Variants in USP26 observed in about 807,000 individuals in gnomAD.
USP26 encodes ubiquitin carboxyl-terminal hydrolase 26.
For missense variants in USP26, 649 were observed against 642.3 expected, an observed-to-expected ratio of 1.01 and a Z score of -0.11; for synonymous variants, 236 against 240.6, an observed-to-expected ratio of 0.98 and a Z score of 0.18.
intron 5 of USP26, among the ~76,000 whole-genome samples, chrX:133,069,760 A>T (rs1287696537): frequency 1.8e-5 from 2 of 111,817 alleles, no homozygotes; most frequent in Non-Finnish European, 3.8e-5. Flanking sequence ...AAACTGCCTC[A>T]CACACACGTT....
At chrX:133,043,655 C>A (rs1024535440) in intron 5 of USP26, among the ~76,000 whole-genome samples, 21 of 112,289 alleles carry the variant, frequency 1.9e-4, no homozygotes, top group Non-Finnish European at 3.8e-4. Flanking sequence ...CCTGTAATCT[C>A]AACACTTTGG....
intron 5 of USP26, among the ~76,000 whole-genome samples, chrX:133,059,680 C>A (rs191587956): frequency 4.5e-5 from 5 of 110,234 alleles, no homozygotes; most frequent in Non-Finnish European, 7.6e-5. Context: ...TTCTCTCCCC[C>A]TAAAGTTCTT....
chrX:133,073,168 G>A (rs1429267251), intron 5 of USP26, among the ~76,000 whole-genome samples: 2 of 109,885 alleles, frequency 1.8e-5, no homozygotes, highest in Non-Finnish European at 3.8e-5. Context: ...CATTCACAGA[G>A]TTAACATTGG....
Position 133,038,438 on chromosome X carries a change from A to T in USP26, c.-76-10142T>A, listed in dbSNP as rs151224857. ...TTGAGATAATCATGTGGTTTTTGTCATTGGTTCTGTTTATGTGATGGATTA... is the reference window on the plus strand; with the variant it reads ...TTGAGATAATCATGTGGTTTTTGTCTTTGGTTCTGTTTATGTGATGGATTA... On this transcript the variant is annotated intron_variant, in intron 5 of 5. Coordinates refer to ENST00000511190, the MANE Select transcript of USP26 (RefSeq NM_031907.3). 2.8e-3 allele frequency among the ~76,000 whole-genome samples: 317 copies of T among 111,678 alleles called. 1 individual carries two copies. The highest frequency in any genetic ancestry group is 0.01 in the African/African-American group (308 of 30,753).
intron 4 of USP26, among the ~76,000 whole-genome samples, chrX:133,085,656 C>T (rs1162794105): frequency 2.7e-5 from 3 of 112,052 alleles, no homozygotes; most frequent in Non-Finnish European, 5.6e-5. Flanking sequence ...TTAGATTCAA[C>T]GAAAACTAGA....
rs764676439 is a variant in USP26 at position 133,027,583 on chromosome X, C to T, written c.638G>A (p.Cys213Tyr). The T allele has an allele frequency of 5.0e-6, 6 of 1,207,602 alleles. No homozygotes were observed. In the South Asian group the frequency reaches 5.3e-5, roughly 11 times the overall value. The change falls in exon 6 of 6, where the codon TGT (cysteine) becomes TAT (tyrosine). Residue 213 changes from cysteine (C) to tyrosine (Y), a missense_variant. Physicochemically the swap from Cys to Tyr is radical, Grantham distance 194 (BLOSUM62 -2). Transcript: ENST00000511190. ...YKKSKADCSR[C>Y]VSYNREKQLK... ...TTGTTTCTCTCGATTATAGCTTACA[C>T]ACCTCGAACAATCTGCCTTGGATTT...
chrX:133,058,963 G>A (rs1301681601), intron 5 of USP26, among the ~76,000 whole-genome samples: 3 of 110,594 alleles, frequency 2.7e-5, no homozygotes, highest in African/African-American at 9.9e-5. Context: ...ACAGGCGTCT[G>A]CCACCATACC....
intron 2 of USP26, 24 bp from the exon 3 acceptor site, chrX:133,090,787 T>C (rs982273155): frequency 1.8e-5 from 2 of 112,147 alleles, no homozygotes; most frequent in African/African-American, 6.5e-5. Context: ...AGAGAGAGCA[T>C]TTATTATATG....
In USP26 at chrX:133,027,869, C is replaced by T; in HGVS notation, c.352G>A (p.Val118Ile). 2 of 1,206,570 alleles carry T rather than the reference C, an allele frequency of 1.7e-6. No homozygotes were observed. Among genetic ancestry groups the T allele is most frequent in the Non-Finnish European group, 2.2e-6 (2 of 892,229 alleles). Residue 118 changes from valine (V) to isoleucine (I), a missense_variant, in exon 6 of 6, where the codon GTC becomes ATC. Coordinates refer to ENST00000511190, the MANE Select transcript of USP26 (RefSeq NM_031907.3). ...TCCTTCTGTGTTGTGCTAGAAAAGACACTCCCACCCTTACCAGGTCTCACA... is the reference window on the plus strand; with the variant it reads ...TCCTTCTGTGTTGTGCTAGAAAAGATACTCCCACCCTTACCAGGTCTCACA... ...PPVRPGKGGS[V>I]FSSTTQKEIN...
intron 5 of USP26, among the ~76,000 whole-genome samples, chrX:133,059,735 T>A (rs1190044087): frequency 1.8e-5 from 2 of 111,110 alleles, no homozygotes; most frequent in East Asian, 5.6e-4. Flanking sequence ...CCCTCAAAGA[T>A]CCAGACTACT....
chrX:133,053,819 G>A lies in USP26; in HGVS notation c.-76-25523C>T, dbSNP rs776247222. Among the ~76,000 whole-genome samples, 16 of 111,610 alleles carry A rather than the reference G, an allele frequency of 1.4e-4. No individual in the cohort carries two copies. In the East Asian group the frequency reaches 4.3e-3, roughly 30 times the overall value. ...GTTTCACAACCAAGTTTGTCAGATA[G>A]GTAAATTCAGGTCAGAGAGGTTTTA... On this transcript the variant is annotated intron_variant, in intron 5 of 5. Coordinates refer to ENST00000511190, the MANE Select transcript of USP26 (RefSeq NM_031907.3).
intron 5 of USP26, among the ~76,000 whole-genome samples, chrX:133,045,634 C>A (rs1602975011): frequency 1.8e-5 from 2 of 111,286 alleles, no homozygotes; most frequent in African/African-American, 6.5e-5. Context: ...GACGGGCCGC[C>A]TTATGAGCTG....
intron 4 of USP26, among the ~76,000 whole-genome samples, 192 bp downstream of exon 4, chrX:133,089,921 T>A (rs1451822980): frequency 1.8e-5 from 2 of 110,691 alleles, no homozygotes; most frequent in African/African-American, 6.6e-5. Context: ...AGCCTAGGAG[T>A]TTGAGAATAG....
At chrX:133,074,842 T>A (rs1201678041) in intron 5 of USP26, among the ~76,000 whole-genome samples, 1 of 112,182 alleles carries the variant, frequency 8.9e-6, no homozygotes, top group Admixed American at 9.5e-5. Context: ...AATTTTCTGG[T>A]CATAATTTCA....
intron 1 of USP26, among the ~76,000 whole-genome samples, chrX:133,094,898 C>A (rs1349498300): frequency 9.1e-6 from 1 of 110,387 alleles, no homozygotes; most frequent in Non-Finnish European, 1.9e-5. Flanking sequence ...AGTTCAAGAC[C>A]AGTCTGGCCA....
At chrX:133,028,722 T>C (rs1246867510) in intron 5 of USP26, among the ~76,000 whole-genome samples, 1 of 111,683 alleles carries the variant, frequency 9.0e-6, no homozygotes, top group Non-Finnish European at 1.9e-5. Flanking sequence ...AATCTTCCTG[T>C]CACAGAATGA....
At chrX:133,039,723 T>C (rs1383932433) in intron 5 of USP26, among the ~76,000 whole-genome samples, 2 of 111,692 alleles carry the variant, frequency 1.8e-5, no homozygotes, top group African/African-American at 6.5e-5. Flanking sequence ...GGTCCAGAGC[T>C]GAGTTCAAGT....
chrX:133,068,476 A>G (rs898590150), intron 5 of USP26, among the ~76,000 whole-genome samples: 5 of 112,923 alleles, frequency 4.4e-5, no homozygotes, highest in African/African-American at 1.6e-4. Context: ...TACACTCTGA[A>G]AAATAAGCGG....
chrX:133,029,304 C>G (rs764500203), intron 5 of USP26, among the ~76,000 whole-genome samples: 1 of 112,538 alleles, frequency 8.9e-6, no homozygotes, highest in South Asian at 3.7e-4. Flanking sequence ...AAGGAAACTT[C>G]TGCTCAGTCC....
Sources: gnomAD v4.1 joint callset for allele counts (sites outside exome capture counted in the v4.1 genomes callset) on GRCh38, gnomAD v4.1.1 for gene constraint, MANE v1.5 for transcripts, NCBI Gene and HGNC (gene_info 2026-07-23, HGNC 2026-07-21) for gene names.